MATR3: variants seen among roughly 807,000 people sequenced by gnomAD.
MATR3 encodes the protein matrin-3.
A neutral mutation model predicts 85.5 loss-of-function variants in MATR3; 4 were observed. The ratio of observed to expected loss-of-function variants is 0.05; its 90% CI spans 0.02 to 0.11. The LOEUF (loss-of-function observed/expected upper bound fraction) is 0.11. MATR3 is among the 10% of genes least tolerant of loss of function. The probability of loss-of-function intolerance (pLI) is 1.00; values close to 1 mark genes in which losing one functional copy is unlikely to be tolerated. For synonymous variants in MATR3, 336 were observed against 343.1 expected (o/e 0.98, Z 0.23); for missense variants, 685 against 1,016.1 (o/e 0.67, Z 4.43).
intron 3 of MATR3, 29 bp downstream of exon 3, chr5:139,314,765 C>G (rs989835568): frequency 2.8e-5 from 44 of 1,598,764 alleles, no homozygotes; most frequent in Middle Eastern, 1.7e-4. Context: ...TTTAAAACAT[C>G]CTTATCGTGA....
Position 139,330,131 on chromosome 5 carries a change from A to G in MATR3, c.*736A>G, listed in dbSNP as rs1264200435. 2.2e-6 allele frequency: 1 copy of G among 454,520 alleles called. No homozygotes were observed. Among genetic ancestry groups the G allele is most frequent in the Non-Finnish European group, 4.4e-6 (1 of 226,784 alleles). The allele number at this position is 454,520 out of a possible 1,614,324, so 28.2% of individuals were successfully genotyped here. A position where few individuals can be genotyped will look rare whatever the true frequency, so the allele number is the denominator to read the frequency against. On this transcript the variant is annotated 3_prime_UTR_variant, in exon 15 of 15. Coordinates refer to ENST00000394805, the MANE Select transcript of MATR3 (RefSeq NM_018834.6). The stretch of plus-strand genomic sequence containing the variant: ...TTGTCACTTGAATCCCGTGATTGTC[A>G]TACATCTCTGGTATAAGCAACATTT...
intron 3 of MATR3, chr5:139,283,706 T>C (rs1337858774): frequency 6.6e-6 from 1 of 152,274 alleles, no homozygotes; most frequent in Non-Finnish European, 1.5e-5. Flanking sequence ...GATAAATGGT[T>C]AACAGGACAC....
rs143195105 is a variant in MATR3, at chr5:139,321,044, C to T, written c.1603-854C>T. Reference sequence around the variant, plus strand: ...GTGCTGGGATTACAGGCTGAGCCACCGCGCCCAGCCAGCTTATTACTTTTT... The same window carrying T: ...GTGCTGGGATTACAGGCTGAGCCACTGCGCCCAGCCAGCTTATTACTTTTT... On this transcript the variant is annotated intron_variant, in intron 9 of 14. Coordinates refer to ENST00000394805, the MANE Select transcript of MATR3 (RefSeq NM_018834.6). Among the ~76,000 whole-genome samples, 78 of 151,724 alleles carry T rather than the reference C, an allele frequency of 5.1e-4. 1 individual carries two copies. The highest frequency in any genetic ancestry group is 1.7e-3 in the African/African-American group (72 of 41,312).
intron 1 of MATR3, among the ~76,000 whole-genome samples, chr5:139,297,929 G>A (rs975181101): frequency 4.6e-5 from 7 of 152,168 alleles, no homozygotes; most frequent in Non-Finnish European, 8.8e-5. Flanking sequence ...AAACAAGAGG[G>A]GAGCTTGCCT....
rs1756032490 is a variant in MATR3 at position 139,329,595 on chromosome 5, T to C, written c.*200T>C. 1.7e-6 allele frequency: 1 copy of C among 582,930 alleles called. No individual in the cohort carries two copies. The highest frequency in any genetic ancestry group is 3.2e-6 in the Non-Finnish European group (1 of 313,360). The allele number at this position is 582,930 out of a possible 1,614,324, so 36.1% of individuals were successfully genotyped here. On this transcript the variant is annotated 3_prime_UTR_variant, in exon 15 of 15. Transcript: ENST00000394805. ...ATATGGTTAAGTTAATGAATAGTTT[T>C]TGTTTTATCAGAATGGCAACAGACA...
intron 3 of MATR3, among the ~76,000 whole-genome samples, chr5:139,288,380 C>A (rs545041730): frequency 1.3e-5 from 2 of 152,180 alleles, no homozygotes; most frequent in Non-Finnish European, 2.9e-5. Context: ...TGCACGATCA[C>A]CAGATGGCAT....
chr5:139,289,062 G>A (rs532565314), upstream of MATR3, among the ~76,000 whole-genome samples: 8 of 151,892 alleles, frequency 5.3e-5, no homozygotes, highest in African/African-American at 1.9e-4. Context: ...GATTACAGGC[G>A]TGAGCCACCA....
At chr5:139,310,625 G>A (rs1010795169) in intron 2 of MATR3, 1 of 151,954 alleles carries the variant, frequency 6.6e-6, no homozygotes, top group Non-Finnish European at 1.5e-5. Flanking sequence ...TTACTTAGTG[G>A]TATTGTTAAA....
At chr5:139,322,141 T>C (rs1035105087) in intron 10 of MATR3, 112 bp downstream of exon 10, 12 of 1,276,564 alleles carry the variant, frequency 9.4e-6, no homozygotes, top group African/African-American at 7.5e-5. Context: ...TTGAAACCTA[T>C]TGAAATAAGT....
At chr5:139,311,539 T>A (rs543439242) in intron 2 of MATR3, 1 of 152,228 alleles carries the variant, frequency 6.6e-6, no homozygotes, top group East Asian at 1.9e-4. Context: ...CCAGACACAC[T>A]TTTCCCCTAA....
intron 14 of MATR3, 138 bp downstream of exon 14, chr5:139,326,422 CTTT>C (rs34218388): frequency 3.4e-4 from 182 of 537,196 alleles, no homozygotes; most frequent in Middle Eastern, 9.6e-4. Flanking sequence ...TTTTTATTTA[CTTT>C]TTTTTTTTTT....
At chr5:139,316,218 C>G (rs1350961797) in intron 5 of MATR3, 30 bp downstream of exon 5, 15 of 1,498,074 alleles carry the variant, frequency 1.0e-5, no homozygotes, top group Non-Finnish European at 1.4e-5. Flanking sequence ...GTTACTTTTC[C>G]CTACAGAGCC....
At chr5:139,306,990 C>T (rs1235304521) in intron 1 of MATR3, among the ~76,000 whole-genome samples, 2 of 152,108 alleles carry the variant, frequency 1.3e-5, no homozygotes, top group Non-Finnish European at 2.9e-5. Flanking sequence ...TTTCAATTTA[C>T]ATGTTTTTAA....
intron 9 of MATR3, among the ~76,000 whole-genome samples, chr5:139,320,834 G>C: frequency 7.4e-6 from 1 of 135,076 alleles, no homozygotes; most frequent in East Asian, 2.2e-4. Flanking sequence ...TGCAAGTTCT[G>C]CCTCCCCGGT....
At chr5:139,316,239 ATTTTTC>A in intron 5 of MATR3, 51 bp downstream of exon 5, 2 of 1,408,956 alleles carry the variant, frequency 1.4e-6, no homozygotes, top group East Asian at 2.3e-5. Flanking sequence ...GTTACTGAAA[ATTTTTC>A]TTTTTATTTA....
intron 2 of MATR3, chr5:139,312,384 C>T (rs1445781701): frequency 1.3e-5 from 2 of 152,302 alleles, no homozygotes; most frequent in Non-Finnish European, 2.9e-5. Flanking sequence ...ATGCGTGAGC[C>T]ACTGCACCCG....
At chr5:139,316,420 A>T (rs968774786) in intron 5 of MATR3, among the ~76,000 whole-genome samples, 2 of 151,882 alleles carry the variant, frequency 1.3e-5, no homozygotes, top group African/African-American at 4.8e-5. Context: ...TAATTTTCGT[A>T]TTTTTAGTAG....
intron 3 of MATR3, chr5:139,279,235 T>G (rs1753420427): frequency 2.2e-6 from 1 of 445,902 alleles, no homozygotes; most frequent in East Asian, 7.0e-5. Flanking sequence ...GTATCAGACT[T>G]TTTTTTGGGG....
intron 9 of MATR3, among the ~76,000 whole-genome samples, chr5:139,320,951 G>A (rs1254306079): frequency 1.3e-5 from 2 of 148,212 alleles, no homozygotes; most frequent in Admixed American, 6.7e-5. Context: ...TACTAGAGAC[G>A]GGTTTCACCA....
Sources: allele counts gnomAD v4.1 joint callset (sites outside exome capture counted in the v4.1 genomes callset), GRCh38; gene constraint gnomAD v4.1.1; transcripts MANE v1.5; gene names NCBI Gene and HGNC (gene_info 2026-07-23, HGNC 2026-07-21).